The following BICDL1 variants were observed in gnomAD, a reference collection of about 807,000 sequenced individuals.
BICDL1 encodes BICD family like cargo adaptor 1, also known as BICD family-like cargo adapter 1.
A neutral mutation model predicts 76.8 loss-of-function variants in BICDL1; 20 were observed. The observed-to-expected ratio is 0.26, with a 90% CI of 0.18 to 0.38. The LOEUF is 0.38. Ranked by LOEUF, BICDL1 falls within the 10% of genes least tolerant of loss-of-function variation. BICDL1 has a pLI of 1.00. For missense variants in BICDL1, 700 were observed against 798.6 expected, an observed-to-expected ratio of 0.88 and a Z score of 1.49; for synonymous variants, 383 against 337.1, an observed-to-expected ratio of 1.14 and a Z score of -1.49.
At chr12:120,072,769 C>T in intron 6 of BICDL1, 40 bp downstream of exon 6, 1 of 1,570,396 alleles carries the variant, frequency 6.4e-7, no homozygotes, top group African/African-American at 1.3e-5. Flanking sequence ...CCCACAGGAG[C>T]TGGCTGGTGG....
At chr12:119,994,829 G>A (rs1951604737) in intron 1 of BICDL1, among the ~76,000 whole-genome samples, 1 of 152,136 alleles carries the variant, frequency 6.6e-6, no homozygotes, top group Non-Finnish European at 1.5e-5. Context: ...TTCCAAAAGA[G>A]CTGGAAAGAT....
In BICDL1 at chr12:119,989,783, C is replaced by T. The variant is rs536015945; in HGVS notation, c.-86C>T. On this transcript the variant is annotated 5_prime_UTR_variant, in exon 1 of 10. Coordinates refer to ENST00000548673, the MANE Select transcript of BICDL1 (RefSeq NM_001367886.1). The stretch of plus-strand genomic sequence containing the variant: ...GCGGCGCGAGGCGAGGCGCGGGACG[C>T]GGGGCGGCGCGGCAGGGCCCCTCCC... The T allele has an allele frequency of 4.9e-4, 264 of 539,580 alleles. 8 individuals carry two copies. In the East Asian group the frequency reaches 0.038, roughly 78 times the overall value. The allele number at this position is 539,580 out of a possible 1,614,324, so 33.4% of individuals were successfully genotyped here. A position where few individuals can be genotyped will look rare whatever the true frequency, so the allele number is the denominator to read the frequency against.
intron 6 of BICDL1, among the ~76,000 whole-genome samples, chr12:120,074,163 C>T (rs1262758305): frequency 2.6e-5 from 4 of 152,158 alleles, no homozygotes; most frequent in Non-Finnish European, 4.4e-5. Context: ...TCTGCTGCCT[C>T]GGCCTCCCAA....
chr12:120,000,720 A>G (rs1951742228), intron 2 of BICDL1, among the ~76,000 whole-genome samples: 1 of 152,228 alleles, frequency 6.6e-6, no homozygotes, highest in Non-Finnish European at 1.5e-5. Flanking sequence ...AACATGACAT[A>G]GCAAAAGCTC....
chr12:120,093,477 A>G lies in BICDL1; in HGVS notation c.*316A>G. The G allele has an allele frequency of 2.8e-6, 1 of 355,270 alleles. No homozygotes were observed. Among genetic ancestry groups the G allele is most frequent in the Non-Finnish European group, 5.3e-6 (1 of 188,744 alleles). The allele number at this position is 355,270 out of a possible 1,614,324, so 22.0% of individuals were successfully genotyped here. A position where few individuals can be genotyped will look rare whatever the true frequency, so the allele number is the denominator to read the frequency against. Reference sequence around the variant, plus strand: ...CCCTTGGTGTTGGGCTTTGCAGCTCACACCCAACAGATCGCAGCCCACCCC... The same window carrying G: ...CCCTTGGTGTTGGGCTTTGCAGCTCGCACCCAACAGATCGCAGCCCACCCC... On this transcript the variant is annotated 3_prime_UTR_variant, in exon 10 of 10. Coordinates refer to ENST00000548673, the MANE Select transcript of BICDL1 (RefSeq NM_001367886.1).
At chr12:120,009,757 C>A (rs1951917810) in intron 2 of BICDL1, among the ~76,000 whole-genome samples, 1 of 152,124 alleles carries the variant, frequency 6.6e-6, no homozygotes. Flanking sequence ...GCTGGTTAGC[C>A]CATAGTTGTG....
intron 8 of BICDL1, among the ~76,000 whole-genome samples, chr12:120,082,328 C>T (rs3999575): frequency 0.47 from 71,250 of 151,564 alleles, 19,630 homozygotes; most frequent in Non-Finnish European, 0.6. Context: ...TCTTGGCTCA[C>T]TGCAACCTCC....
intron 2 of BICDL1, among the ~76,000 whole-genome samples, chr12:120,058,252 A>G (rs1275190999): frequency 6.6e-6 from 1 of 152,228 alleles, no homozygotes; most frequent in Non-Finnish European, 1.5e-5. Flanking sequence ...ATTATAGCTT[A>G]GTGCTTAACA....
intron 8 of BICDL1, 99 bp from the exon 9 acceptor site, chr12:120,089,851 GA>G: frequency 7.0e-7 from 1 of 1,433,914 alleles, no homozygotes; most frequent in Non-Finnish European, 9.5e-7. Flanking sequence ...TTCAGGGTCA[GA>G]GCCTGTTTCC....
chr12:120,011,073 G>A (rs1352925523), intron 2 of BICDL1, among the ~76,000 whole-genome samples: 1 of 152,176 alleles, frequency 6.6e-6, no homozygotes, highest in Non-Finnish European at 1.5e-5. Context: ...GTATTCCTGA[G>A]TGGTCAGTGG....
chr12:120,008,491 C>T (rs533674894), intron 2 of BICDL1, among the ~76,000 whole-genome samples: 1 of 152,264 alleles, frequency 6.6e-6, no homozygotes, highest in Non-Finnish European at 1.5e-5. Context: ...GATAAGGAAA[C>T]TGAGGGTCAG....
intron 7 of BICDL1, among the ~76,000 whole-genome samples, chr12:120,076,970 C>T (rs998324167): frequency 2.0e-5 from 3 of 152,358 alleles, no homozygotes; most frequent in Admixed American, 2.0e-4. Context: ...TCTCTAGGAC[C>T]CCACAGTGCC....
intron 8 of BICDL1, among the ~76,000 whole-genome samples, chr12:120,089,039 T>C (rs1317541315): frequency 1.3e-5 from 2 of 152,026 alleles, no homozygotes; most frequent in Admixed American, 6.6e-5. Flanking sequence ...CTAGCTAAGC[T>C]ATAGTGATCA....
At chr12:120,089,413 TCTG>T (rs1408199826) in intron 8 of BICDL1, among the ~76,000 whole-genome samples, 1 of 151,848 alleles carries the variant, frequency 6.6e-6, no homozygotes, top group Non-Finnish European at 1.5e-5. Flanking sequence ...GTGACGGAGT[TCTG>T]CTCTTTTTGC....
chr12:120,093,712 G>C lies in BICDL1; in HGVS notation c.*551G>C, dbSNP rs1178836516. 2 of 171,692 alleles carry C rather than the reference G, an allele frequency of 1.2e-5. No homozygotes were observed. The highest frequency in any genetic ancestry group is 4.8e-5 in the African/African-American group (2 of 41,628). The allele number at this position is 171,692 out of a possible 1,614,324, so 10.6% of individuals were successfully genotyped here. On this transcript the variant is annotated 3_prime_UTR_variant, in exon 10 of 10. Coordinates refer to ENST00000548673, the MANE Select transcript of BICDL1 (RefSeq NM_001367886.1). ...CCGCATGCATGCACCTCAGCTGGCA[G>C]GAGGCCAAGCCTCTGGCCGCAGGGT...
At chr12:120,032,863 C>T (rs1952451922) in intron 2 of BICDL1, among the ~76,000 whole-genome samples, 1 of 151,366 alleles carries the variant, frequency 6.6e-6, no homozygotes, top group African/African-American at 2.4e-5. Context: ...TCTCCTGCCT[C>T]AGCCTCCCAA....
rs929262760 is a variant in BICDL1 at position 120,050,152 on chromosome 12, G to A, written c.646-11558G>A. Among the ~76,000 whole-genome samples, 8 of 151,832 alleles carry A rather than the reference G, an allele frequency of 5.3e-5. No homozygotes were observed. In the South Asian group the frequency reaches 8.3e-4, roughly 16 times the overall value. ...ATGTTTTGCTCATTTAAAAAATTAC[G>A]CGTCTTTTTATTGAGTTAGAGGTTT... On this transcript the variant is annotated intron_variant, in intron 2 of 9. Coordinates refer to ENST00000548673, the MANE Select transcript of BICDL1 (RefSeq NM_001367886.1).
intron 1 of BICDL1, among the ~76,000 whole-genome samples, chr12:119,997,497 C>T (rs546256733): frequency 1.9e-4 from 29 of 152,110 alleles, no homozygotes; most frequent in Non-Finnish European, 3.4e-4. Flanking sequence ...ATATACAAGG[C>T]TTAATGGGCC....
chr12:120,054,555 T>G (rs1952934599), intron 2 of BICDL1, among the ~76,000 whole-genome samples: 1 of 152,216 alleles, frequency 6.6e-6, no homozygotes, highest in Admixed American at 6.5e-5. Context: ...AAGGAAATAC[T>G]TGATGGAATA....
Sources: gnomAD v4.1 joint callset for allele counts (sites outside exome capture counted in the v4.1 genomes callset) on GRCh38, gnomAD v4.1.1 for gene constraint, MANE v1.5 for transcripts, NCBI Gene and HGNC (gene_info 2026-07-23, HGNC 2026-07-21) for gene names.